CYYR1: variants seen among roughly 807,000 people sequenced by gnomAD.
The protein encoded by CYYR1 is cysteine and tyrosine rich 1, also known as cysteine and tyrosine-rich protein 1.
In CYYR1, 14 loss-of-function variants were observed where a neutral mutation model predicts 15.2. That is an observed-to-expected ratio of 0.92 (90% CI 0.61 to 1.44). The LOEUF is 1.44. Among genes scored for constraint, CYYR1 ranks in the 40% most tolerant of loss-of-function variants. The probability of loss-of-function intolerance (pLI) is 0.00; values close to 1 mark genes in which losing one functional copy is unlikely to be tolerated. For missense variants in CYYR1, 228 were observed against 209.5 expected, an observed-to-expected ratio of 1.09 and a Z score of -0.54; for synonymous variants, 80 against 77.4, an observed-to-expected ratio of 1.03 and a Z score of -0.18.
At chr21:26,472,063 C>A (rs1199420487) in intron 3 of CYYR1, among the ~76,000 whole-genome samples, 1 of 152,132 alleles carries the variant, frequency 6.6e-6, no homozygotes, top group Non-Finnish European at 1.5e-5. Flanking sequence ...GAAAATCATC[C>A]ATAATTTTGT....
At position 26,573,205 on chromosome 21, in the gene CYYR1, G is replaced by A. The variant is rs1336552813; in HGVS notation, c.-265C>T. 6.2e-6 allele frequency: 9 copies of A among 1,440,142 alleles called. No individual in the cohort carries two copies. In the Admixed American group the frequency reaches 1.7e-4, roughly 27 times the overall value. 89.2% of individuals were successfully genotyped at this position (1,440,142 alleles called of 1,614,324 possible). ...AGGTCTCTTTGTCTCGCCCCACTGC[G>A]CTCAGGCGCGGGGAAGGCGGCCACT... On this transcript the variant is annotated 5_prime_UTR_variant, in exon 1 of 4. Transcript: ENST00000652641.
At chr21:26,564,891 T>C in intron 2 of CYYR1, 1 of 944,476 alleles carries the variant, frequency 1.1e-6, no homozygotes, top group Non-Finnish European at 1.4e-6. Context: ...TTTGTTACTT[T>C]AAATACTGCG....
chr21:26,515,978 T>C lies in CYYR1; in HGVS notation c.177-35549A>G, dbSNP rs940842905. On this transcript the variant is annotated intron_variant, in intron 2 of 3. Transcript: ENST00000652641. Reference sequence around the variant, plus strand: ...TTCTGGTCCCTGAAATTCTATAGAATGAAGCAGTTGTATGAAATGTAAGAA... The same window carrying C: ...TTCTGGTCCCTGAAATTCTATAGAACGAAGCAGTTGTATGAAATGTAAGAA... Among the ~76,000 whole-genome samples the C allele has an allele frequency of 5.3e-5, 8 of 152,336 alleles. No individual in the cohort carries two copies. The South Asian group carries it at 1.7e-3, about 32-fold the overall frequency.
At chr21:26,556,560 A>G (rs1439036848) in intron 2 of CYYR1, among the ~76,000 whole-genome samples, 1 of 152,176 alleles carries the variant, frequency 6.6e-6, no homozygotes, top group East Asian at 1.9e-4. Context: ...TACAGATAGC[A>G]TGACTGGGGA....
chr21:26,493,170 A>G (rs984340267), intron 2 of CYYR1, among the ~76,000 whole-genome samples: 1 of 152,162 alleles, frequency 6.6e-6, no homozygotes, highest in African/African-American at 2.4e-5. Flanking sequence ...CAGAGAGGTA[A>G]GGCTGGAGAA....
chr21:26,573,221 G>C lies in CYYR1; in HGVS notation c.-281C>G, dbSNP rs917336679. On this transcript the variant is annotated 5_prime_UTR_variant, in exon 1 of 4. Transcript: ENST00000652641. ...CCCCACTGCGCTCAGGCGCGGGGAAGGCGGCCACTCCGGCGTCCTTGGCCA... is the reference window on the plus strand; with the variant it reads ...CCCCACTGCGCTCAGGCGCGGGGAACGCGGCCACTCCGGCGTCCTTGGCCA... The C allele has an allele frequency of 7.0e-5, 99 of 1,421,190 alleles. No individual in the cohort carries two copies. The highest frequency in any genetic ancestry group is 8.1e-5 in the Non-Finnish European group (87 of 1,078,922). 88.0% of individuals were successfully genotyped at this position (1,421,190 alleles called of 1,614,324 possible).
At chr21:26,499,746 T>C (rs1451088983) in intron 2 of CYYR1, among the ~76,000 whole-genome samples, 1 of 151,712 alleles carries the variant, frequency 6.6e-6, no homozygotes, top group Non-Finnish European at 1.5e-5. Context: ...AGTGAGTGGA[T>C]CAGACTGGCT....
At chr21:26,560,363 T>C (rs1421697798) in intron 2 of CYYR1, among the ~76,000 whole-genome samples, 4 of 152,174 alleles carry the variant, frequency 2.6e-5, no homozygotes, top group African/African-American at 9.6e-5. Flanking sequence ...AATCATCTCA[T>C]TTGTAAATGA....
intron 2 of CYYR1, among the ~76,000 whole-genome samples, chr21:26,490,990 G>A (rs911758171): frequency 6.6e-6 from 1 of 152,134 alleles, no homozygotes; most frequent in Admixed American, 6.6e-5. Flanking sequence ...GATCCAACGG[G>A]GGAGTGAGTG....
intron 2 of CYYR1, among the ~76,000 whole-genome samples, chr21:26,516,345 A>C (rs984787203): frequency 6.6e-6 from 1 of 152,242 alleles, no homozygotes; most frequent in Non-Finnish European, 1.5e-5. Flanking sequence ...AAGACTTGTC[A>C]TTTGATAAAT....
chr21:26,569,609 C>T (rs74740225), intron 1 of CYYR1, among the ~76,000 whole-genome samples: 16,275 of 152,044 alleles, frequency 0.11, 914 homozygotes, highest in Admixed American at 0.14. Context: ...TTGAAATTAT[C>T]AAAAAATAAA....
intron 3 of CYYR1, among the ~76,000 whole-genome samples, chr21:26,469,152 G>A (rs1362093049): frequency 1.3e-5 from 2 of 152,296 alleles, no homozygotes; most frequent in South Asian, 4.1e-4. Flanking sequence ...CAATGTAATG[G>A]CATATGTGAG....
intron 2 of CYYR1, among the ~76,000 whole-genome samples, chr21:26,565,505 A>G (rs1980549205): frequency 6.6e-6 from 1 of 152,166 alleles, no homozygotes; most frequent in African/African-American, 2.4e-5. Context: ...CCCAATTCTC[A>G]ACCCTCGTTT....
chr21:26,515,268 T>A (rs2065710435), intron 2 of CYYR1, among the ~76,000 whole-genome samples: 1 of 152,226 alleles, frequency 6.6e-6, no homozygotes, highest in African/African-American at 2.4e-5. Context: ...GGCCACTTAC[T>A]GTTTTCCAGT....
intron 2 of CYYR1, among the ~76,000 whole-genome samples, chr21:26,504,636 AT>A (rs1245423940): frequency 6.6e-6 from 1 of 152,302 alleles, no homozygotes; most frequent in East Asian, 1.9e-4. Context: ...CCCCTCAAGC[AT>A]TTATCCTTTC....
Position 26,573,004 on chromosome 21 carries a change from T to G in CYYR1, c.-64A>C. ...CCGGAACCGGAGGGAATGGGGAGGA[T>G]GGAGGGCGATCAGATGGAGAGAGCA... On this transcript the variant is annotated 5_prime_UTR_variant, in exon 1 of 4. Transcript: ENST00000652641. 6.2e-7 allele frequency: 1 copy of G among 1,610,756 alleles called. No homozygotes were observed. Among genetic ancestry groups the G allele is most frequent in the Non-Finnish European group, 8.5e-7 (1 of 1,178,488 alleles).
At chr21:26,489,078 C>G (rs2065291551) in intron 2 of CYYR1, among the ~76,000 whole-genome samples, 1 of 152,072 alleles carries the variant, frequency 6.6e-6, no homozygotes, top group Admixed American at 6.6e-5. Context: ...CATACAGGTA[C>G]TCTGGGATCC....
intron 2 of CYYR1, among the ~76,000 whole-genome samples, chr21:26,487,000 AT>A (rs1164148261): frequency 6.6e-6 from 1 of 152,098 alleles, no homozygotes; most frequent in Non-Finnish European, 1.5e-5. Context: ...ATTCTATGTA[AT>A]AATTTAGTAA....
chr21:26,485,655 G>A (rs2065239410), intron 2 of CYYR1, among the ~76,000 whole-genome samples: 1 of 152,038 alleles, frequency 6.6e-6, no homozygotes, highest in African/African-American at 2.4e-5. Flanking sequence ...GCATGTATCA[G>A]TAGTTCATTC....
Sources: gnomAD v4.1 joint callset for allele counts (sites outside exome capture counted in the v4.1 genomes callset) on GRCh38, gnomAD v4.1.1 for gene constraint, MANE v1.5 for transcripts, NCBI Gene and HGNC (gene_info 2026-07-23, HGNC 2026-07-21) for gene names.